NXPH1: variants seen among roughly 807,000 people sequenced by gnomAD.
NXPH1 encodes neurexophilin 1.
In NXPH1, 5 loss-of-function variants were observed where a neutral mutation model predicts 23.7. The observed-to-expected ratio is 0.21, with a 90% CI of 0.11 to 0.44. NXPH1 has a LOEUF of 0.44. Among genes scored for constraint, NXPH1 ranks in the 20% least tolerant of loss-of-function variants. NXPH1 has a pLI of 0.99. For synonymous variants in NXPH1, 144 were observed against 122.2 expected (o/e 1.18, Z -1.18); for missense variants, 324 against 321.6 (o/e 1.01, Z -0.06).
intron 2 of NXPH1, among the ~76,000 whole-genome samples, chr7:8,688,353 G>A (rs1438310632): frequency 6.6e-6 from 1 of 152,130 alleles, no homozygotes; most frequent in South Asian, 2.1e-4. Flanking sequence ...ATTCAACATT[G>A]TAAATGTTAT....
At chr7:8,680,474 T>C (rs1821033257) in intron 2 of NXPH1, among the ~76,000 whole-genome samples, 1 of 152,236 alleles carries the variant, frequency 6.6e-6, no homozygotes, top group Non-Finnish European at 1.5e-5. Flanking sequence ...TCGTGTCTTA[T>C]AGATTATTTC....
intron 2 of NXPH1, among the ~76,000 whole-genome samples, chr7:8,618,543 G>A (rs1375340290): frequency 6.6e-6 from 1 of 152,146 alleles, no homozygotes; most frequent in Non-Finnish European, 1.5e-5. Flanking sequence ...TGTATTGGCA[G>A]AAAGAGGACA....
chr7:8,639,923 T>G (rs1820280700), intron 2 of NXPH1, among the ~76,000 whole-genome samples: 1 of 152,224 alleles, frequency 6.6e-6, no homozygotes, highest in Non-Finnish European at 1.5e-5. Flanking sequence ...GTTCTCAGTT[T>G]CAGGTATGTT....
intron 2 of NXPH1, among the ~76,000 whole-genome samples, chr7:8,674,615 C>T (rs1820919725): frequency 6.6e-6 from 1 of 152,012 alleles, no homozygotes; most frequent in African/African-American, 2.4e-5. Context: ...CAGGCATTTA[C>T]AAAAGTAGAA....
chr7:8,734,678 G>A (rs1325867646), intron 2 of NXPH1, among the ~76,000 whole-genome samples: 1 of 152,142 alleles, frequency 6.6e-6, no homozygotes. Context: ...GTTGATTTGG[G>A]GTGGAGAGTT....
At chr7:8,655,568 ATGTG>A (rs36170352) in intron 2 of NXPH1, among the ~76,000 whole-genome samples, 1,512 of 37,594 alleles carry the variant, frequency 0.04, 426 homozygotes, top group African/African-American at 0.12. Context: ...GTGTAAATGC[ATGTG>A]TGTGTGTGTG....
At chr7:8,682,576 T>C (rs939603555) in intron 2 of NXPH1, among the ~76,000 whole-genome samples, 2 of 152,200 alleles carry the variant, frequency 1.3e-5, no homozygotes, top group African/African-American at 4.8e-5. Flanking sequence ...TCTTATATCA[T>C]CTGGGGAAAA....
intron 2 of NXPH1, among the ~76,000 whole-genome samples, chr7:8,683,045 T>C (rs1821082416): frequency 6.6e-6 from 1 of 152,204 alleles, no homozygotes; most frequent in Admixed American, 6.5e-5. Flanking sequence ...AAGAGGTGTT[T>C]ATTTGGCTTG....
At chr7:8,723,049 T>C (rs573384836) in intron 2 of NXPH1, among the ~76,000 whole-genome samples, 2 of 152,338 alleles carry the variant, frequency 1.3e-5, no homozygotes, top group South Asian at 4.1e-4. Flanking sequence ...TTTTAATTTG[T>C]GCTGTTAATG....
At chr7:8,561,386 CT>C (rs1374944057) in intron 2 of NXPH1, among the ~76,000 whole-genome samples, 3 of 56,000 alleles carry the variant, frequency 5.4e-5, no homozygotes, top group Admixed American at 3.6e-4. Context: ...ACACACACCT[CT>C]CTCTCTCTTT....
chr7:8,677,184 G>A (rs570937455), intron 2 of NXPH1, among the ~76,000 whole-genome samples: 1 of 152,234 alleles, frequency 6.6e-6, no homozygotes, highest in African/African-American at 2.4e-5. Context: ...ATTATAAAGG[G>A]CAGTTTTTGA....
intron 2 of NXPH1, among the ~76,000 whole-genome samples, chr7:8,698,204 C>T (rs1779565433): frequency 6.6e-6 from 1 of 152,134 alleles, no homozygotes; most frequent in African/African-American, 2.4e-5. Flanking sequence ...ACCAATATTC[C>T]ATGTGTTGTT....
intron 2 of NXPH1, among the ~76,000 whole-genome samples, chr7:8,734,905 C>A (rs1472766262): frequency 6.6e-6 from 1 of 152,162 alleles, no homozygotes; most frequent in Non-Finnish European, 1.5e-5. Flanking sequence ...CTCTTTATAG[C>A]AATTGTGAAT....
chr7:8,436,001 T>C (rs1816187295), intron 2 of NXPH1, among the ~76,000 whole-genome samples: 1 of 152,182 alleles, frequency 6.6e-6, no homozygotes, highest in Admixed American at 6.5e-5. Context: ...TGAAAGGGGC[T>C]AGGGCGCCCC....
chr7:8,747,733 G>C (rs1242778020), intron 2 of NXPH1, among the ~76,000 whole-genome samples: 1 of 152,108 alleles, frequency 6.6e-6, no homozygotes, highest in Admixed American at 6.6e-5. Flanking sequence ...GGCAAGTGCA[G>C]ATTCAGATGT....
intron 2 of NXPH1, among the ~76,000 whole-genome samples, chr7:8,453,854 T>C (rs2128605844): frequency 6.6e-6 from 1 of 152,290 alleles, no homozygotes; most frequent in East Asian, 1.9e-4. Flanking sequence ...TCCATGTCTT[T>C]GCTATTGTGT....
rs148961613 is a variant in NXPH1, at chr7:8,473,521, C to G, written c.54+37754C>G. ...ATTAACACCTACTTAAATAATTGCT[C>G]TCTTATTGGAGGTTTTCCATGTAAC... On this transcript the variant is annotated intron_variant, in intron 2 of 2. Transcript: ENST00000405863. 3.5e-3 allele frequency among the ~76,000 whole-genome samples: 536 copies of G among 152,194 alleles called. 1 individual carries two copies. Among genetic ancestry groups the G allele is most frequent in the Non-Finnish European group, 5.1e-3 (347 of 68,000 alleles).
At chr7:8,690,782 T>C (rs1395455854) in intron 2 of NXPH1, among the ~76,000 whole-genome samples, 1 of 152,204 alleles carries the variant, frequency 6.6e-6, no homozygotes, top group Non-Finnish European at 1.5e-5. Flanking sequence ...ATTTTCATAT[T>C]GACGCATTTA....
At chr7:8,495,795 G>T (rs1026998093) in intron 2 of NXPH1, among the ~76,000 whole-genome samples, 1 of 151,966 alleles carries the variant, frequency 6.6e-6, no homozygotes, top group Non-Finnish European at 1.5e-5. Context: ...AGAGGACTGG[G>T]GCTTACACAG....
Sources: allele counts gnomAD v4.1 joint callset (sites outside exome capture counted in the v4.1 genomes callset), GRCh38; gene constraint gnomAD v4.1.1; transcripts MANE v1.5; gene names NCBI Gene and HGNC (gene_info 2026-07-23, HGNC 2026-07-21).